ANKS1B: variants seen among roughly 807,000 people sequenced by gnomAD.
ANKS1B encodes ankyrin repeat and sterile alpha motif domain-containing protein 1B.
Under a neutral mutation model 148.3 loss-of-function variants are expected in ANKS1B, and 36 were observed. The ratio of observed to expected loss-of-function variants is 0.24; its 90% CI spans 0.19 to 0.32. The LOEUF is 0.32. Ranked by LOEUF, ANKS1B falls within the 10% of genes least tolerant of loss-of-function variation. The pLI is 1.00. For synonymous variants in ANKS1B, 542 were observed against 560.8 expected (o/e 0.97, Z 0.47); for missense variants, 1,157 against 1,542.6 (o/e 0.75, Z 4.19).
intron 7 of ANKS1B, 139 bp from the exon 8 acceptor site, chr12:99,773,227 C>T: frequency 3.2e-6 from 2 of 616,280 alleles, no homozygotes; most frequent in South Asian, 5.2e-5. Context: ...CTGCTGAAAA[C>T]AAGGTACTCA....
chr12:99,924,175 A>T (rs2094431924), intron 1 of ANKS1B, among the ~76,000 whole-genome samples: 1 of 152,166 alleles, frequency 6.6e-6, no homozygotes, highest in South Asian at 2.1e-4. Context: ...AAGTGGCATA[A>T]GCAACAAGAT....
At chr12:99,912,241 G>A (rs1429936387) in intron 1 of ANKS1B, among the ~76,000 whole-genome samples, 1 of 152,130 alleles carries the variant, frequency 6.6e-6, no homozygotes, top group African/African-American at 2.4e-5. Flanking sequence ...TTTCTGATTT[G>A]TTAAACTTAA....
intron 15 of ANKS1B, among the ~76,000 whole-genome samples, chr12:99,125,987 CTT>C (rs1326279436): frequency 6.6e-6 from 1 of 151,982 alleles, no homozygotes; most frequent in East Asian, 1.9e-4. Flanking sequence ...TGCTAGAACA[CTT>C]TTTGATACTA....
At chr12:99,579,274 T>C (rs2097547955) in intron 9 of ANKS1B, among the ~76,000 whole-genome samples, 1 of 152,128 alleles carries the variant, frequency 6.6e-6, no homozygotes, top group African/African-American at 2.4e-5. Context: ...CGTATCATTT[T>C]GGACATAGGT....
chr12:98,806,574 G>A (rs917491003), intron 20 of ANKS1B, among the ~76,000 whole-genome samples: 2 of 152,166 alleles, frequency 1.3e-5, no homozygotes, highest in Non-Finnish European at 2.9e-5. Context: ...TTTACTTTCT[G>A]TAATCTCTAA....
chr12:99,169,404 G>T (rs921651998), intron 14 of ANKS1B, among the ~76,000 whole-genome samples: 1 of 152,064 alleles, frequency 6.6e-6, no homozygotes, highest in South Asian at 2.1e-4. Context: ...ATGACATTTG[G>T]AAAGGATGAA....
chr12:99,371,762 GA>G (rs984278134), intron 12 of ANKS1B, among the ~76,000 whole-genome samples: 6 of 151,722 alleles, frequency 4.0e-5, no homozygotes, highest in African/African-American at 1.2e-4. Context: ...AATTATTAAG[GA>G]AAAAAACATT....
chr12:99,824,783 T>G (rs1022084711), intron 2 of ANKS1B, among the ~76,000 whole-genome samples: 26 of 152,198 alleles, frequency 1.7e-4, no homozygotes, highest in African/African-American at 6.3e-4. Context: ...GAAACAGTTT[T>G]ACTTATTAAA....
At chr12:99,898,337 T>C (rs969691879) in intron 1 of ANKS1B, among the ~76,000 whole-genome samples, 2 of 152,214 alleles carry the variant, frequency 1.3e-5, no homozygotes, top group Non-Finnish European at 2.9e-5. Flanking sequence ...CAGCTTGGTC[T>C]TTCCCCAGGC....
chr12:98,918,874 C>T (rs1350689501), intron 17 of ANKS1B, among the ~76,000 whole-genome samples: 1 of 151,910 alleles, frequency 6.6e-6, no homozygotes, highest in Non-Finnish European at 1.5e-5. Flanking sequence ...TTGTTTATGT[C>T]TTTTTGTCCA....
chr12:98,923,282 C>A (rs758723427), intron 17 of ANKS1B, among the ~76,000 whole-genome samples: 8 of 152,182 alleles, frequency 5.3e-5, no homozygotes, highest in Non-Finnish European at 1.2e-4. Context: ...TCAGTAGAAG[C>A]AGCATGAGGC....
At chr12:99,635,016 A>G (rs1346033425) in intron 9 of ANKS1B, among the ~76,000 whole-genome samples, 1 of 152,204 alleles carries the variant, frequency 6.6e-6, no homozygotes, top group Admixed American at 6.5e-5. Flanking sequence ...AAGATGCCCA[A>G]CATCACTAAT....
intron 1 of ANKS1B, among the ~76,000 whole-genome samples, chr12:99,829,513 T>C (rs1484885318): frequency 6.6e-6 from 1 of 152,138 alleles, no homozygotes; most frequent in Non-Finnish European, 1.5e-5. Context: ...TAGCCAGGCA[T>C]GGTAGCGGGT....
intron 22 of ANKS1B, among the ~76,000 whole-genome samples, chr12:98,791,667 C>T (rs1232185690): frequency 6.6e-6 from 1 of 152,176 alleles, no homozygotes; most frequent in Non-Finnish European, 1.5e-5. Context: ...AAGTGATCCT[C>T]CTGACTCAGC....
At chr12:99,020,213 C>T (rs1039632542) in intron 17 of ANKS1B, among the ~76,000 whole-genome samples, 3 of 152,042 alleles carry the variant, frequency 2.0e-5, no homozygotes, top group African/African-American at 7.2e-5. Flanking sequence ...TTTCACTATT[C>T]CCAGTTGAAA....
chr12:99,194,516 A>T (rs2153888218), intron 14 of ANKS1B, among the ~76,000 whole-genome samples: 1 of 152,222 alleles, frequency 6.6e-6, no homozygotes, highest in Admixed American at 6.5e-5. Context: ...AACATTTTGG[A>T]ATGACTTCAT....
chr12:98,871,391 G>A (rs1418758288), intron 17 of ANKS1B, among the ~76,000 whole-genome samples: 1 of 152,072 alleles, frequency 6.6e-6, no homozygotes, highest in Non-Finnish European at 1.5e-5. Context: ...AAGTACATAA[G>A]AGTACAAAAT....
chr12:98,803,120 TC>T (rs1348091737), intron 20 of ANKS1B, among the ~76,000 whole-genome samples: 4 of 152,258 alleles, frequency 2.6e-5, no homozygotes, highest in South Asian at 2.1e-4. Flanking sequence ...TTTTTTCTTT[TC>T]CTTCTTTCTC....
At position 99,843,790 on chromosome 12, in the gene ANKS1B, T is replaced by C. The variant is rs137899099; in HGVS notation, c.135-18401A>G. Among the ~76,000 whole-genome samples the C allele has an allele frequency of 8.6e-3, 1,316 of 152,260 alleles. 23 individuals are homozygous for C. The highest frequency in any genetic ancestry group is 0.03 in the African/African-American group (1,255 of 41,552). ...TATACCCAGTAATAGGATTGCTGGGTTGAATGGTATTTCTGTCTCTAGGTC... is the reference window on the plus strand; with the variant it reads ...TATACCCAGTAATAGGATTGCTGGGCTGAATGGTATTTCTGTCTCTAGGTC... On this transcript the variant is annotated intron_variant, in intron 1 of 26. Coordinates refer to ENST00000683438, the MANE Select transcript of ANKS1B (RefSeq NM_001352186.2).
Sources: gnomAD v4.1 joint callset for allele counts (sites outside exome capture counted in the v4.1 genomes callset) on GRCh38, gnomAD v4.1.1 for gene constraint, MANE v1.5 for transcripts, NCBI Gene and HGNC (gene_info 2026-07-23, HGNC 2026-07-21) for gene names.